The following VPS13D variants were observed in gnomAD, a reference collection of about 807,000 sequenced individuals.
VPS13D encodes the protein vacuolar protein sorting 13 homolog D.
In VPS13D, 187 loss-of-function variants were observed where a neutral mutation model predicts 461.9. The ratio of observed to expected loss-of-function variants is 0.40; its 90% CI spans 0.36 to 0.46. The LOEUF (loss-of-function observed/expected upper bound fraction) is 0.46, where lower values mean the gene tolerates loss of function less well. Ranked by LOEUF, VPS13D falls within the 20% of genes least tolerant of loss-of-function variation. The pLI, the probability that VPS13D is intolerant of heterozygous loss-of-function variation, is 0.60. For missense variants in VPS13D, 4,711 were observed against 5,364.9 expected (o/e 0.88, Z 3.81); for synonymous variants, 1,951 against 1,986.3 (o/e 0.98, Z 0.47).
chr1:12,467,989 G>A (rs1317419446), intron 67 of VPS13D, among the ~76,000 whole-genome samples: 1 of 152,036 alleles, frequency 6.6e-6, no homozygotes, highest in African/African-American at 2.4e-5. Context: ...ATCTCAACCA[G>A]CAGGTCCTTG....
rs374522405 is a variant in VPS13D at position 12,502,941 on chromosome 1, G to A, written c.12795-3912G>A. Among the ~76,000 whole-genome samples the A allele has an allele frequency of 1.6e-4, 25 of 152,234 alleles. No individual in the cohort carries two copies. The highest frequency in any genetic ancestry group is 7.2e-5 in the African/African-American group (3 of 41,546). ...CAGTGGCCCTGCAGAGTAGACCCAT[G>A]GGGTTCTACACATCAGGATGGGGAA... is the stretch of plus-strand genomic sequence containing the variant. On this transcript the variant is annotated intron_variant, in intron 68 of 69. Transcript: ENST00000620676. This position sits in a 1 kb window ranked among gnomAD's most constrained non-coding sequence, Gnocchi z 4.3.
At chr1:12,461,118 T>TG in intron 67 of VPS13D, among the ~76,000 whole-genome samples, 1 of 152,282 alleles carries the variant, frequency 6.6e-6, no homozygotes, top group East Asian at 1.9e-4. Flanking sequence ...AGTGACTAAT[T>TG]GGGGATTCTT....
Position 12,288,286 on chromosome 1 carries a change from A to C in VPS13D, c.5698A>C (p.Lys1900Gln). 1 of 1,614,156 alleles carries C rather than the reference A, an allele frequency of 6.2e-7. No homozygotes were observed. Among genetic ancestry groups the C allele is most frequent in the Non-Finnish European group, 8.5e-7 (1 of 1,179,984 alleles). Residue 1900 changes from lysine to glutamine, a missense_variant, in exon 22 of 70, where the codon AAA becomes CAA. Transcript: ENST00000620676. ...TSELAKANVS[K>Q]LVAHLEMIEG... The stretch of plus-strand genomic sequence containing the variant: ...TGAGCTTGCCAAAGCAAATGTGTCC[A>C]AATTAGTAGCACACCTGGAAATGAT...
chr1:12,277,041 A>G lies in VPS13D; in HGVS notation c.3453A>G (p.Arg1151=). 1 of 1,614,208 alleles carries G rather than the reference A, an allele frequency of 6.2e-7. No individual in the cohort carries two copies. The highest frequency in any genetic ancestry group is 8.5e-7 in the Non-Finnish European group (1 of 1,180,048). ...PLMTDFERSF[R]EQGTYQSTYE... ...TGACTGATTTTGAAAGAAGCTTCAG[A>G]GAACAAGGAACTTACCAGTCTACAT... is the stretch of plus-strand genomic sequence containing the variant. Residue 1151 remains arginine (R), a synonymous_variant, in exon 19 of 70, where the codon AGA becomes AGG. Coordinates refer to ENST00000620676, the MANE Select transcript of VPS13D (RefSeq NM_015378.4).
intron 68 of VPS13D, among the ~76,000 whole-genome samples, chr1:12,504,249 G>C (rs1366419138): frequency 2.6e-5 from 4 of 152,132 alleles, no homozygotes; most frequent in Non-Finnish European, 5.9e-5. Context: ...AGGATGATGG[G>C]GACAGAGCTG....
chr1:12,288,208 C>T lies in VPS13D; in HGVS notation c.5635-15C>T, dbSNP rs372589872. The T allele has an allele frequency of 7.7e-5, 124 of 1,603,870 alleles. No individual in the cohort carries two copies. The highest frequency in any genetic ancestry group is 9.0e-5 in the Non-Finnish European group (105 of 1,172,130). On this transcript the variant is annotated splice_polypyrimidine_tract_variant and intron_variant, in intron 21 of 69. Transcript: ENST00000620676. ...CCCAGTAATATTGGCCTTGCTTTAT[C>T]TTGTCTGTTCCTAGGTTCATTCACT...
chr1:12,413,294 CA>C (rs777322033), intron 63 of VPS13D, among the ~76,000 whole-genome samples: 1 of 149,788 alleles, frequency 6.7e-6, no homozygotes, highest in Non-Finnish European at 1.5e-5. Flanking sequence ...AGTTGAGCAA[CA>C]AAGTGAGACC....
intron 1 of VPS13D, among the ~76,000 whole-genome samples, chr1:12,231,261 T>C (rs1315784414): frequency 6.6e-6 from 1 of 152,188 alleles, no homozygotes; most frequent in Non-Finnish European, 1.5e-5. Context: ...TGTAAACACT[T>C]TGGGACTCTG....
chr1:12,260,601 C>T, intron 10 of VPS13D, 92 bp from the exon 11 acceptor site: 1 of 1,063,720 alleles, frequency 9.4e-7, no homozygotes, highest in Middle Eastern at 2.0e-4. Context: ...GGTTTCTGTG[C>T]TTTACTTTTA....
At chr1:12,287,908 TATA>T (rs1178939521) in intron 21 of VPS13D, among the ~76,000 whole-genome samples, 1 of 152,196 alleles carries the variant, frequency 6.6e-6, no homozygotes, top group Non-Finnish European at 1.5e-5. Context: ...TATAGAATTG[TATA>T]ATATTAATGA....
rs180847295 is a variant in VPS13D, at chr1:12,459,011, C to T, written c.12467-1190C>T. 3.9e-5 allele frequency among the ~76,000 whole-genome samples: 6 copies of T among 152,298 alleles called. No homozygotes were observed. The East Asian group carries it at 7.7e-4, about 20-fold the overall frequency. On this transcript the variant is annotated intron_variant, in intron 66 of 69. Transcript: ENST00000620676. ...GAAGGTTTTATATAATCGCCGATACCGAATTTCATCAAAGCATGCAGTAGC... is the reference window on the plus strand; with the variant it reads ...GAAGGTTTTATATAATCGCCGATACTGAATTTCATCAAAGCATGCAGTAGC...
intron 63 of VPS13D, among the ~76,000 whole-genome samples, chr1:12,410,096 A>G (rs892348581): frequency 1.3e-5 from 2 of 152,222 alleles, no homozygotes; most frequent in African/African-American, 2.4e-5. Flanking sequence ...TGAAGGGCTA[A>G]TATCTTACAG....
intron 15 of VPS13D, 72 bp downstream of exon 15, chr1:12,267,992 C>T (rs543228882): frequency 8.9e-4 from 1,147 of 1,284,366 alleles, no homozygotes; most frequent in Non-Finnish European, 1.2e-3. Flanking sequence ...GACAGGGCCT[C>T]GCTCTGTCAC....
chr1:12,415,357 G>A, intron 64 of VPS13D, 136 bp downstream of exon 64: 1 of 1,155,600 alleles, frequency 8.7e-7, no homozygotes, highest in Admixed American at 2.1e-5. Context: ...TACGGGTCAG[G>A]TCACTTCCCA....
intron 40 of VPS13D, among the ~76,000 whole-genome samples, chr1:12,340,289 T>A (rs1057311794): frequency 1.4e-4 from 21 of 152,166 alleles, no homozygotes; most frequent in Non-Finnish European, 2.8e-4. Flanking sequence ...GGGGTATCTC[T>A]AAATGACTGA....
At chr1:12,463,118 G>A (rs1195312741) in intron 67 of VPS13D, among the ~76,000 whole-genome samples, 4 of 151,930 alleles carry the variant, frequency 2.6e-5, no homozygotes, top group African/African-American at 9.7e-5. Flanking sequence ...ATGAGACAGC[G>A]ATCTGCCTAA....
chr1:12,497,388 CTAAATG>C, intron 67 of VPS13D, 106 bp from the exon 68 acceptor site: 1 of 1,332,442 alleles, frequency 7.5e-7, no homozygotes, highest in South Asian at 1.5e-5. Context: ...ATTCTGTTCA[CTAAATG>C]TAAAGTATGT....
chr1:12,384,504 A>T (rs1374092879), intron 58 of VPS13D, among the ~76,000 whole-genome samples: 2 of 152,164 alleles, frequency 1.3e-5, no homozygotes, highest in African/African-American at 2.4e-5. Flanking sequence ...GAGATCTGTG[A>T]TGGGGATAAG....
chr1:12,307,321 G>C (rs1317039879), intron 26 of VPS13D, among the ~76,000 whole-genome samples: 1 of 152,134 alleles, frequency 6.6e-6, no homozygotes, highest in Non-Finnish European at 1.5e-5. Flanking sequence ...GGCGGGCCAT[G>C]CCACCTGTAA....
Sources: gnomAD v4.1 joint callset for allele counts (sites outside exome capture counted in the v4.1 genomes callset) on GRCh38, gnomAD v4.1.1 for gene constraint, Gnocchi (gnomAD v3.1) non-coding constraint, MANE v1.5 for transcripts, NCBI Gene and HGNC (gene_info 2026-07-23, HGNC 2026-07-21) for gene names.